Variants in USP13 observed in about 807,000 individuals in gnomAD.
USP13 encodes ubiquitin carboxyl-terminal hydrolase 13.
Under a neutral mutation model 107.8 loss-of-function variants are expected in USP13, and 68 were observed. The observed-to-expected ratio is 0.63, with a 90% CI of 0.52 to 0.77. The LOEUF is 0.77. Ranked by LOEUF, USP13 falls within the 30% of genes least tolerant of loss-of-function variation. The pLI, the probability that USP13 is intolerant of heterozygous loss-of-function variation, is 0.00. For missense variants in USP13, 945 were observed against 1,093.3 expected (o/e 0.86, Z 1.91); for synonymous variants, 377 against 389.5 (o/e 0.97, Z 0.38).
chr3:179,658,991 G>T (rs181665830), intron 1 of USP13, among the ~76,000 whole-genome samples: 1 of 152,194 alleles, frequency 6.6e-6, no homozygotes, highest in African/African-American at 2.4e-5. Flanking sequence ...GAGGGGATAT[G>T]ATACTCAGCA....
chr3:179,780,519 A>G (rs1316336877), intron 19 of USP13, among the ~76,000 whole-genome samples: 1 of 152,158 alleles, frequency 6.6e-6, no homozygotes, highest in Non-Finnish European at 1.5e-5. Context: ...GAGAGAAAGA[A>G]AGAGAGTCTG....
At chr3:179,675,314 G>A (rs181520035) in intron 1 of USP13, among the ~76,000 whole-genome samples, 71 of 151,872 alleles carry the variant, frequency 4.7e-4, no homozygotes, top group African/African-American at 1.6e-3. Context: ...ACCATGTTTC[G>A]TATAAGTTGT....
chr3:179,708,923 C>T lies in USP13; in HGVS notation c.771C>T (p.Ala257=), dbSNP rs745885976. The change falls in exon 6 of 21, where the codon GCC becomes GCT. Residue 257 remains alanine, a synonymous_variant. Coordinates refer to ENST00000263966, the MANE Select transcript of USP13 (RefSeq NM_003940.3). ...EHYRDMGYPL[A]VKLGTITPDG... The stretch of plus-strand genomic sequence containing the variant: ...ACAGAGACATGGGCTACCCACTAGC[C>T]GTGAAACTGGGAACCATCACTCCTG... 6.8e-6 allele frequency: 11 copies of T among 1,613,978 alleles called. No homozygotes were observed. The highest frequency in any genetic ancestry group is 2.2e-5 in the South Asian group (2 of 91,068).
chr3:179,765,893 G>A (rs370211523), intron 19 of USP13, 45 bp downstream of exon 19: 104 of 1,586,268 alleles, frequency 6.6e-5, no homozygotes, highest in Non-Finnish European at 8.0e-5. Context: ...AGAACTATAC[G>A]TTCAGCTCAT....
At chr3:179,755,364 G>T (rs917450519) in intron 15 of USP13, among the ~76,000 whole-genome samples, 1 of 151,690 alleles carries the variant, frequency 6.6e-6, no homozygotes, top group Admixed American at 6.6e-5. Context: ...GCACGATCTC[G>T]GCTCACTGCA....
chr3:179,677,171 A>G (rs184096450), intron 1 of USP13, among the ~76,000 whole-genome samples: 38 of 151,792 alleles, frequency 2.5e-4, no homozygotes, highest in Admixed American at 1.8e-3. Context: ...TGTTGATGTT[A>G]TAATGAAATC....
chr3:179,755,906 G>A (rs966222004), intron 15 of USP13, among the ~76,000 whole-genome samples: 4 of 152,168 alleles, frequency 2.6e-5, no homozygotes, highest in Admixed American at 1.3e-4. Context: ...GATTCAGATA[G>A]GCATCTGTAT....
chr3:179,658,014 TC>T (rs1348164434), intron 1 of USP13, among the ~76,000 whole-genome samples: 1 of 152,110 alleles, frequency 6.6e-6, no homozygotes, highest in Non-Finnish European at 1.5e-5. Flanking sequence ...GGTGGTCAGT[TC>T]CAGTGAGGCG....
chr3:179,656,949 A>G (rs1720283475), intron 1 of USP13, among the ~76,000 whole-genome samples: 1 of 152,160 alleles, frequency 6.6e-6, no homozygotes. Flanking sequence ...GATAAAACAT[A>G]TGGGAAATAC....
chr3:179,742,155 A>G lies in USP13; in HGVS notation c.1381-42A>G. 6.2e-7 allele frequency: 1 copy of G among 1,612,314 alleles called. No homozygotes were observed. Among genetic ancestry groups the G allele is most frequent in the Non-Finnish European group, 8.5e-7 (1 of 1,178,504 alleles). On this transcript the variant is annotated intron_variant, in intron 11 of 20. Transcript: ENST00000263966. The surrounding 1 kb of genome is among the most constrained non-coding windows in gnomAD (Gnocchi z 5.0). ...ATTTTCTACTAAGTCTTAGTGGCTC[A>G]ATATTCATACATTTACTAACCTGAT...
rs560700721 is a variant in USP13, at chr3:179,786,931, A to G, written c.*2790A>G. On this transcript the variant is annotated 3_prime_UTR_variant, in exon 21 of 21. Transcript: ENST00000263966. ...GAATTCCAATGAATATGTCTTTGGA[A>G]AAGGTAATGTATCAAAGTTTTTATT... The G allele has an allele frequency of 6.6e-6, 1 of 152,344 alleles. No homozygotes were observed. Among genetic ancestry groups the G allele is most frequent in the Admixed American group, 6.5e-5 (1 of 15,298 alleles). 9.4% of individuals were successfully genotyped at this position (152,344 alleles called of 1,614,324 possible). A position where few individuals can be genotyped will look rare whatever the true frequency, so the allele number is the denominator to read the frequency against.
At chr3:179,661,617 C>A (rs924232832) in intron 1 of USP13, among the ~76,000 whole-genome samples, 8 of 151,946 alleles carry the variant, frequency 5.3e-5, no homozygotes, top group Non-Finnish European at 1.0e-4. Context: ...AAAATACAGG[C>A]CTGTCTACCA....
In USP13 at chr3:179,765,892, C is replaced by T. The variant is rs745555565; in HGVS notation, c.2413+44C>T. ...GGCTGTCTGAGCAGTCAGAACTATA[C>T]GTTCAGCTCATGCCCTTCCCTCCCA... is the stretch of plus-strand genomic sequence containing the variant. On this transcript the variant is annotated intron_variant, in intron 19 of 20. Coordinates refer to ENST00000263966, the MANE Select transcript of USP13 (RefSeq NM_003940.3). The T allele has an allele frequency of 3.3e-5, 53 of 1,589,740 alleles. No individual in the cohort carries two copies. In the South Asian group the frequency reaches 4.5e-4, roughly 13 times the overall value.
intron 3 of USP13, among the ~76,000 whole-genome samples, chr3:179,700,251 A>G (rs188105852): frequency 6.6e-6 from 1 of 152,318 alleles, no homozygotes; most frequent in East Asian, 1.9e-4. Context: ...GCTGAGGACA[A>G]TATGACTACT....
chr3:179,687,593 A>G (rs2108460091), intron 2 of USP13, among the ~76,000 whole-genome samples: 1 of 145,936 alleles, frequency 6.9e-6, no homozygotes, highest in Admixed American at 7.1e-5. Flanking sequence ...TGGGAGGCTG[A>G]AGTTGCGGTA....
intron 2 of USP13, among the ~76,000 whole-genome samples, chr3:179,686,443 A>T (rs1711876023): frequency 6.6e-6 from 1 of 152,142 alleles, no homozygotes; most frequent in Non-Finnish European, 1.5e-5. Flanking sequence ...TTAGCCTGGA[A>T]TGGTGGCGCA....
chr3:179,751,476 A>T (rs1310529998), intron 13 of USP13, among the ~76,000 whole-genome samples: 1 of 152,170 alleles, frequency 6.6e-6, no homozygotes, highest in Non-Finnish European at 1.5e-5. Context: ...TTCGTCCGCC[A>T]ACTCTGCGCT....
intron 10 of USP13, among the ~76,000 whole-genome samples, chr3:179,739,227 T>A (rs1010921359): frequency 1.5e-4 from 23 of 152,306 alleles, no homozygotes; most frequent in African/African-American, 5.5e-4. Context: ...TTGGCTGCCT[T>A]CTGAGCTGTC....
chr3:179,655,084 A>C (rs1720210810), intron 1 of USP13, among the ~76,000 whole-genome samples: 1 of 83,098 alleles, frequency 1.2e-5, no homozygotes, highest in Non-Finnish European at 2.3e-5. Flanking sequence ...AAAGGTGGAG[A>C]GGGATGATGG....
Sources: gnomAD v4.1 joint callset for allele counts (sites outside exome capture counted in the v4.1 genomes callset) on GRCh38, gnomAD v4.1.1 for gene constraint, Gnocchi (gnomAD v3.1) non-coding constraint, MANE v1.5 for transcripts, NCBI Gene and HGNC (gene_info 2026-07-23, HGNC 2026-07-21) for gene names.